The following TRAF6 variants were observed in gnomAD, a reference collection of about 807,000 sequenced individuals.
TRAF6 encodes TNF receptor associated factor 6, also known as TNF receptor-associated factor 6.
TRAF6 carries 10 observed loss-of-function variants against 48.4 expected under a neutral mutation model. That is an observed-to-expected ratio of 0.21 (90% confidence interval 0.13 to 0.35). The LOEUF (loss-of-function observed/expected upper bound fraction) is 0.35. TRAF6 is among the 10% of genes least tolerant of loss of function. The probability of loss-of-function intolerance (pLI) is 1.00; values close to 1 mark genes in which losing one functional copy is unlikely to be tolerated. For missense variants in TRAF6, 397 were observed against 661.0 expected (o/e 0.60, Z 4.38); for synonymous variants, 186 against 219.6 (o/e 0.85, Z 1.35).
Position 36,490,618 on chromosome 11 carries a change from T to C in TRAF6, c.789A>G (p.Gln263=). The change falls in exon 7 of 7, where the codon CAA becomes CAG. Residue 263 remains glutamine (Q), a synonymous_variant. Transcript: ENST00000526995. This position sits in a 1 kb window ranked among gnomAD's most constrained non-coding sequence, Gnocchi z 6.4. The part of the protein sequence containing the change: ...MQRNHLARHL[Q]ENTQSHMRML... The stretch of plus-strand genomic sequence containing the variant: ...TTCTCATGTGTGACTGGGTGTTCTC[T>C]TGTAGGTGGCGTGCCAAGTGATTCC... 2 of 1,611,528 alleles carry C rather than the reference T, an allele frequency of 1.2e-6. No homozygotes were observed. Among genetic ancestry groups the C allele is most frequent in the Non-Finnish European group, 1.7e-6 (2 of 1,177,864 alleles).
chr11:36,492,399 G>T, intron 6 of TRAF6, 152 bp downstream of exon 6: 1 of 660,628 alleles, frequency 1.5e-6, no homozygotes, highest in Non-Finnish European at 2.5e-6. Flanking sequence ...GTATGCCTTT[G>T]CTTCTGCTCA....
At chr11:36,509,014 A>T (rs1859854632) in intron 1 of TRAF6, among the ~76,000 whole-genome samples, 1 of 152,208 alleles carries the variant, frequency 6.6e-6, no homozygotes, top group Admixed American at 6.5e-5. Flanking sequence ...TCCTTCCTAG[A>T]GTCACAAAAG....
chr11:36,485,243 T>A lies in TRAF6; in HGVS notation c.*4595A>T, dbSNP rs1024244317. Among the ~76,000 whole-genome samples the A allele has an allele frequency of 6.6e-6, 1 of 152,180 alleles. No individual in the cohort carries two copies. The highest frequency in any genetic ancestry group is 2.4e-5 in the African/African-American group (1 of 41,410). Reference sequence around the variant, plus strand: ...AAAGTAACATCTGCGCCTTACCATCTAAAATTTACATGACAAGGTACCAGA... The same window carrying A: ...AAAGTAACATCTGCGCCTTACCATCAAAAATTTACATGACAAGGTACCAGA... On this transcript the variant is annotated 3_prime_UTR_variant, in exon 7 of 7. Coordinates refer to ENST00000526995, the MANE Select transcript of TRAF6 (RefSeq NM_004620.4).
chr11:36,497,187 A>G lies in TRAF6; in HGVS notation c.527T>C (p.Ile176Thr). ...QRPFQKFHIN[I>T]HILKDCPRRQ... ...CCTTGGACAATCCTTCAGAATGTGA[A>G]TATTAATATGGAATTTTTGGAAGGG... The change falls in exon 4 of 7, where the codon ATT becomes ACT. Residue 176 changes from isoleucine to threonine, a missense_variant. Physicochemically the swap from Ile to Thr is moderately conservative, Grantham distance 89 (BLOSUM62 -1). This residue lies in a region of TRAF6 where 245 missense variants were observed against 349.1 expected (regional missense o/e 0.70). Coordinates refer to ENST00000526995, the MANE Select transcript of TRAF6 (RefSeq NM_004620.4). 3 of 1,614,102 alleles carry G rather than the reference A, an allele frequency of 1.9e-6. No individual in the cohort carries two copies. Among genetic ancestry groups the G allele is most frequent in the African/African-American group, 1.3e-5 (1 of 75,048 alleles).
Position 36,489,661 on chromosome 11 carries a change from G to C in TRAF6, c.*177C>G, listed in dbSNP as rs541663910. The C allele has an allele frequency of 8.1e-6, 6 of 736,386 alleles. No homozygotes were observed. The East Asian group carries it at 1.6e-4, about 19-fold the overall frequency. The allele number at this position is 736,386 out of a possible 1,614,324, so 45.6% of individuals were successfully genotyped here. ...AAGCATGGAACGTGTGGATTCCCAGGAAAAAACTGCCTCAGATCATTTGTA... is the reference window on the plus strand; with the variant it reads ...AAGCATGGAACGTGTGGATTCCCAGCAAAAAACTGCCTCAGATCATTTGTA... On this transcript the variant is annotated 3_prime_UTR_variant, in exon 7 of 7. Transcript: ENST00000526995.
chr11:36,502,955 G>A (rs888747763), intron 1 of TRAF6, among the ~76,000 whole-genome samples: 1 of 152,176 alleles, frequency 6.6e-6, no homozygotes, highest in African/African-American at 2.4e-5. Context: ...ACAACTTTAT[G>A]TAGTATTTAA....
chr11:36,506,964 A>C (rs1859793375), intron 1 of TRAF6, among the ~76,000 whole-genome samples: 1 of 151,996 alleles, frequency 6.6e-6, no homozygotes, highest in Admixed American at 6.6e-5. Context: ...TTGGTAAAAC[A>C]TTTTGTCCCT....
intron 5 of TRAF6, among the ~76,000 whole-genome samples, chr11:36,493,336 G>C (rs1337351896): frequency 6.6e-6 from 1 of 152,192 alleles, no homozygotes; most frequent in Non-Finnish European, 1.5e-5. Context: ...GTACCTGAGA[G>C]ACCATTTATT....
At position 36,490,687 on chromosome 11, in the gene TRAF6, T is replaced by C; in HGVS notation, c.757-37A>G. On this transcript the variant is annotated intron_variant, in intron 6 of 6. Coordinates refer to ENST00000526995, the MANE Select transcript of TRAF6 (RefSeq NM_004620.4). This position sits in a 1 kb window ranked among gnomAD's most constrained non-coding sequence, Gnocchi z 6.4. ...GCACAAGCCTTAGGCTGGGAATAGA[T>C]ACCGTGAGGAGTAGGAAAAGGACCT... The C allele has an allele frequency of 6.4e-7, 1 of 1,560,530 alleles. No individual in the cohort carries two copies. The highest frequency in any genetic ancestry group is 8.7e-7 in the Non-Finnish European group (1 of 1,150,860).
chr11:36,493,685 T>C (rs1219895369), intron 5 of TRAF6, among the ~76,000 whole-genome samples: 1 of 152,264 alleles, frequency 6.6e-6, no homozygotes, highest in Non-Finnish European at 1.5e-5. Context: ...GTTTTCTGAC[T>C]CTTAGCCTAG....
rs535909443 is a variant in TRAF6, at chr11:36,490,409, G to C, written c.998C>G (p.Thr333Ser). 1.9e-6 allele frequency: 3 copies of C among 1,613,946 alleles called. No individual in the cohort carries two copies. The highest frequency in any genetic ancestry group is 2.5e-6 in the Non-Finnish European group (3 of 1,180,040). Residue 333 changes from threonine (T) to serine (S), a missense_variant, in exon 7 of 7, where the codon ACC becomes AGC. Transcript: ENST00000526995. The surrounding 1 kb of genome is among the most constrained non-coding windows in gnomAD (Gnocchi z 6.4). ...AACTTTGTCCTCAAGGGTTCGAATG[G>C]TTCGTTTGAGCTCACTTACATACAT... ...QSMYVSELKR[T>S]IRTLEDKVAE...
chr11:36,504,369 TC>T (rs2133677984), intron 1 of TRAF6, among the ~76,000 whole-genome samples: 1 of 147,536 alleles, frequency 6.8e-6, no homozygotes, highest in East Asian at 2.0e-4. Flanking sequence ...TCAACAATGT[TC>T]ACAGCATCCT....
chr11:36,503,752 C>T (rs140658052), intron 1 of TRAF6, among the ~76,000 whole-genome samples: 176 of 152,236 alleles, frequency 1.2e-3, no homozygotes, highest in African/African-American at 3.9e-3. Flanking sequence ...TCGTAAAATA[C>T]GGTATAGGGC....
rs531872639 is a variant in TRAF6, at chr11:36,493,471, T to C, written c.679-843A>G. 2.8e-4 allele frequency among the ~76,000 whole-genome samples: 43 copies of C among 152,318 alleles called. 1 individual carries two copies. The highest frequency in any genetic ancestry group is 6.8e-3 in the Middle Eastern group (2 of 294). ...CTGTCCTAAGTATTAAACTCTACCA[T>C]TGTCATACAAAAGTAGCCATACACA... On this transcript the variant is annotated intron_variant, in intron 5 of 6. Transcript: ENST00000526995.
chr11:36,502,294 T>G (rs1426653928), intron 1 of TRAF6, among the ~76,000 whole-genome samples: 1 of 152,240 alleles, frequency 6.6e-6, no homozygotes, highest in Non-Finnish European at 1.5e-5. Flanking sequence ...AGTGACTATG[T>G]TTCATTATTA....
Position 36,495,217 on chromosome 11 carries a change from T to C in TRAF6, c.607-170A>G, listed in dbSNP as rs183739415. On this transcript the variant is annotated intron_variant, in intron 4 of 6. Transcript: ENST00000526995. Reference sequence around the variant, plus strand: ...ATATATAAAGGCTATTTTCTTTCTCTTTCCCAGTGTAATAATGAGATTCAT... The same window carrying C: ...ATATATAAAGGCTATTTTCTTTCTCCTTCCCAGTGTAATAATGAGATTCAT... Among the ~76,000 whole-genome samples the C allele has an allele frequency of 3.3e-5, 5 of 152,346 alleles. No individual in the cohort carries two copies. In the East Asian group the frequency reaches 9.6e-4, roughly 29 times the overall value.
chr11:36,498,970 G>A (rs1195257687), intron 2 of TRAF6, among the ~76,000 whole-genome samples: 3 of 152,124 alleles, frequency 2.0e-5, no homozygotes, highest in African/African-American at 7.2e-5. Context: ...GGGAATTTTG[G>A]CAGTCTGGCC....
At chr11:36,494,745 G>C (rs113879071) in intron 5 of TRAF6, among the ~76,000 whole-genome samples, 11 of 151,902 alleles carry the variant, frequency 7.2e-5, no homozygotes, top group African/African-American at 2.4e-4. Context: ...CAAAAGCACA[G>C]GTATTATGTT....
Position 36,484,164 on chromosome 11 carries a change from G to T in TRAF6, c.*5674C>A, listed in dbSNP as rs999397419. ...CCATTAGGAGCAGGGCTTGTTTTATGCGCTCCGTGCATGCTGATGGTGCAG... is the reference window on the plus strand; with the variant it reads ...CCATTAGGAGCAGGGCTTGTTTTATTCGCTCCGTGCATGCTGATGGTGCAG... On this transcript the variant is annotated 3_prime_UTR_variant, in exon 7 of 7. Coordinates refer to ENST00000526995, the MANE Select transcript of TRAF6 (RefSeq NM_004620.4). Among the ~76,000 whole-genome samples, 3 of 152,194 alleles carry T rather than the reference G, an allele frequency of 2.0e-5. No individual in the cohort carries two copies. Among genetic ancestry groups the T allele is most frequent in the Admixed American group, 1.3e-4 (2 of 15,282 alleles).
Sources: allele counts gnomAD v4.1 joint callset (sites outside exome capture counted in the v4.1 genomes callset), GRCh38; gene constraint gnomAD v4.1.1; regional missense constraint gnomAD v4.1.1; non-coding constraint Gnocchi (gnomAD v3.1); transcripts MANE v1.5; gene names NCBI Gene and HGNC (gene_info 2026-07-23, HGNC 2026-07-21).